Variants in GRK1 observed in about 807,000 individuals in gnomAD.
GRK1 encodes the protein rhodopsin kinase GRK1.
GRK1 carries 28 observed loss-of-function variants against 41.7 expected under a neutral mutation model. The observed-to-expected ratio is 0.67, with a 90% confidence interval of 0.50 to 0.92. The LOEUF (loss-of-function observed/expected upper bound fraction) is 0.92, where lower values mean the gene tolerates loss of function less well. Ranked by LOEUF, GRK1 falls within the 40% of genes least tolerant of loss-of-function variation. The pLI is 0.00. For synonymous variants in GRK1, 327 were observed against 286.7 expected (o/e 1.14, Z -1.42); for missense variants, 703 against 671.2 (o/e 1.05, Z -0.52).
At chr13:113,733,724 TGC>T (rs766879350) in intron 6 of GRK1, among the ~76,000 whole-genome samples, 13,282 of 135,228 alleles carry the variant, frequency 0.098, 989 homozygotes, top group Middle Eastern at 0.17. Flanking sequence ...CACGTGTGTG[TGC>T]GCGCGTGTGT....
At chr13:113,723,780 A>T (rs2049871625) in intron 4 of GRK1, among the ~76,000 whole-genome samples, 1 of 151,502 alleles carries the variant, frequency 6.6e-6, no homozygotes, top group Non-Finnish European at 1.5e-5. Flanking sequence ...CTCTGTGCAC[A>T]CACGTGTGTC....
rs2049829741 is a variant in GRK1, at chr13:113,667,875, G to A, written c.489G>A (p.Gln163=). 6.3e-7 allele frequency: 1 copy of A among 1,592,122 alleles called. No individual in the cohort carries two copies. Among genetic ancestry groups the A allele is most frequent in the African/African-American group, 1.3e-5 (1 of 74,446 alleles). Residue 163 remains glutamine, a synonymous_variant, in exon 1 of 7, where the codon CAG becomes CAA. Coordinates refer to ENST00000335678, the MANE Select transcript of GRK1 (RefSeq NM_002929.3). The surrounding 1 kb of genome is among the most constrained non-coding windows in gnomAD (Gnocchi z 7.5). ...TLAHLGQAPF[Q]EYLGSLYFLR... Reference sequence around the variant, plus strand: ...CACACCTGGGCCAAGCCCCCTTCCAGGAGTACCTGGGCAGCCTGTACTTCC... The same window carrying A: ...CACACCTGGGCCAAGCCCCCTTCCAAGAGTACCTGGGCAGCCTGTACTTCC...
chr13:113,728,028 GCGA>G (rs2049903421), intron 4 of GRK1, among the ~76,000 whole-genome samples: 1 of 80,448 alleles, frequency 1.2e-5, no homozygotes, highest in Non-Finnish European at 2.4e-5. Context: ...AGTACCCATG[GCGA>G]TGAGGAGTAC....
At chr13:113,662,760 G>A (rs1204852433), upstream of GRK1, among the ~76,000 whole-genome samples, 1 of 152,182 alleles carries the variant, frequency 6.6e-6, no homozygotes, top group Non-Finnish European at 1.5e-5. Flanking sequence ...GGACTTGCAT[G>A]CTGAAACCCA....
Position 113,731,390 on chromosome 13 carries a change from G to A in GRK1, c.1194+47G>A. On this transcript the variant is annotated intron_variant, in intron 5 of 6. Transcript: ENST00000335678. The surrounding 1 kb of genome is among the most constrained non-coding windows in gnomAD (Gnocchi z 5.6). Reference sequence around the variant, plus strand: ...TCTCTGCAGCCACCTTGGCGCCCTGGCTCTCGATGGGGACGGGGCAGTGAT... The same window carrying A: ...TCTCTGCAGCCACCTTGGCGCCCTGACTCTCGATGGGGACGGGGCAGTGAT... 6.5e-7 allele frequency: 1 copy of A among 1,535,318 alleles called. No homozygotes were observed. Among genetic ancestry groups the A allele is most frequent in the Non-Finnish European group, 8.7e-7 (1 of 1,145,994 alleles).
At chr13:113,649,765 T>A in the GRK1 span, among the ~76,000 whole-genome samples, 4 of 152,156 alleles carry the variant, frequency 2.6e-5, no homozygotes, top group Non-Finnish European at 4.4e-5. This position sits in a 1 kb window ranked among gnomAD's most constrained non-coding sequence, Gnocchi z 4.7. Flanking sequence ...TAAATTCAGC[T>A]TCAAACTCTT....
the GRK1 span, chr13:113,654,690 T>C: frequency 7.0e-7 from 1 of 1,431,772 alleles, no homozygotes; most frequent in Admixed American, 2.5e-5. Flanking sequence ...ACCCTGGGGC[T>C]GCCGGGCTGG....
chr13:113,728,815 C>G (rs2049912928), intron 4 of GRK1, among the ~76,000 whole-genome samples: 2 of 152,174 alleles, frequency 1.3e-5, no homozygotes, highest in Non-Finnish European at 2.9e-5. Flanking sequence ...GAGGGATGCC[C>G]TGGAGAGGGC....
At position 113,733,989 on chromosome 13, in the gene GRK1, C is replaced by T. The variant is rs560088728; in HGVS notation, c.1396+904C>T. On this transcript the variant is annotated intron_variant, in intron 6 of 6. Transcript: ENST00000335678. Reference sequence around the variant, plus strand: ...GTGTGCGTGTGTGCGCATGTGTGTGCATACATGTGTGTGCGTGTGCGTGCA... The same window carrying T: ...GTGTGCGTGTGTGCGCATGTGTGTGTATACATGTGTGTGCGTGTGCGTGCA... 2.9e-3 allele frequency among the ~76,000 whole-genome samples: 331 copies of T among 114,544 alleles called. 3 individuals carry two copies. The highest frequency in any genetic ancestry group is 0.01 in the African/African-American group (314 of 30,284). 75.1% of individuals were successfully genotyped at this position (114,544 alleles called of 152,430 possible). A position where few individuals can be genotyped will look rare whatever the true frequency, so the allele number is the denominator to read the frequency against.
chr13:113,648,227 G>A, the GRK1 span, among the ~76,000 whole-genome samples: 2 of 152,264 alleles, frequency 1.3e-5, no homozygotes, highest in Non-Finnish European at 2.9e-5. Flanking sequence ...GAGATGCTTG[G>A]TACAGCGTCT....
rs896598916 is a variant in GRK1 at position 113,733,822 on chromosome 13, C to T, written c.1396+737C>T. On this transcript the variant is annotated intron_variant, in intron 6 of 6. Coordinates refer to ENST00000335678, the MANE Select transcript of GRK1 (RefSeq NM_002929.3). ...GTGTATCTGTGTGCATACGTGTGTG[C>T]GTGTGTGTGCACGTGCGTGTGCATG... Among the ~76,000 whole-genome samples the T allele has an allele frequency of 1.5e-4, 14 of 93,612 alleles. 1 individual carries two copies. The highest frequency in any genetic ancestry group is 4.3e-4 in the African/African-American group (10 of 23,348). The allele number at this position is 93,612 out of a possible 152,430, so 61.4% of individuals were successfully genotyped here. A position where few individuals can be genotyped will look rare whatever the true frequency, so the allele number is the denominator to read the frequency against.
At position 113,735,152 on chromosome 13, in the gene GRK1, A is replaced by G. The variant is rs753224951; in HGVS notation, c.1481A>G (p.Lys494Arg). The G allele has an allele frequency of 6.5e-6, 10 of 1,537,218 alleles. No individual in the cohort carries two copies. The East Asian group carries it at 9.8e-5, about 15-fold the overall frequency. The change falls in exon 7 of 7, where the codon AAA (lysine) becomes AGA (arginine). Residue 494 changes from lysine to arginine, a missense_variant. Transcript: ENST00000335678. ...GACGTGGGTGCCTTTTCCACCGTCA[A>G]AGGTGTGGCCTTTGACAAAACAGAC... ...IQDVGAFSTV[K>R]GVAFDKTDTE...
At chr13:113,729,447 CAG>C (rs569493618) in intron 4 of GRK1, among the ~76,000 whole-genome samples, 622 of 152,302 alleles carry the variant, frequency 4.1e-3, no homozygotes, top group African/African-American at 0.014. Flanking sequence ...AGTCCCGGGA[CAG>C]GGGCAGTGAA....
intron 2 of GRK1, among the ~76,000 whole-genome samples, chr13:113,670,270 T>C (rs972947342): frequency 2.0e-5 from 3 of 152,108 alleles, no homozygotes; most frequent in Non-Finnish European, 4.4e-5. Context: ...GAGGTGGCGC[T>C]GCCTCCACAA....
the GRK1 span, chr13:113,657,909 T>A: frequency 1.3e-6 from 1 of 799,420 alleles, no homozygotes. Context: ...GTCCACGCCA[T>A]CCAGGCAGCA....
At chr13:113,733,956 ATACG>A (rs1441571209) in intron 6 of GRK1, among the ~76,000 whole-genome samples, 1 of 111,550 alleles carries the variant, frequency 9.0e-6, no homozygotes, top group Non-Finnish European at 1.8e-5. Context: ...GTGTGTGTGC[ATACG>A]TGTGTGTGCG....
At chr13:113,650,369 A>G in the GRK1 span, 1 of 1,578,288 alleles carries the variant, frequency 6.3e-7, no homozygotes. The surrounding 1 kb of genome is among the most constrained non-coding windows in gnomAD (Gnocchi z 5.0). Flanking sequence ...AGGACTCAGC[A>G]GCTGTGGTGA....
chr13:113,669,842 G>A, intron 2 of GRK1, 28 bp downstream of exon 2: 5 of 1,612,132 alleles, frequency 3.1e-6, no homozygotes, highest in Non-Finnish European at 4.2e-6. Flanking sequence ...GGGCACGAGG[G>A]GGCCCCGCTG....
the GRK1 span, among the ~76,000 whole-genome samples, chr13:113,655,247 G>A: frequency 1.3e-5 from 2 of 152,194 alleles, no homozygotes; most frequent in Non-Finnish European, 2.9e-5. Context: ...AGATGTGGCC[G>A]AGGATGCGCC....
Sources: allele counts gnomAD v4.1 joint callset (sites outside exome capture counted in the v4.1 genomes callset), GRCh38; gene constraint gnomAD v4.1.1; non-coding constraint Gnocchi (gnomAD v3.1); transcripts MANE v1.5; gene names NCBI Gene and HGNC (gene_info 2026-07-23, HGNC 2026-07-21).